Variants in ACVR1 observed in about 807,000 individuals in gnomAD.
ACVR1 encodes the protein activin A receptor type 1.
A neutral mutation model predicts 57.1 loss-of-function variants in ACVR1; 38 were observed. The observed-to-expected ratio is 0.67, with a 90% CI of 0.51 to 0.87. ACVR1 has a LOEUF of 0.87. Among genes scored for constraint, ACVR1 ranks in the 40% least tolerant of loss-of-function variants. The pLI is 0.00. For missense variants in ACVR1, 463 were observed against 638.2 expected (o/e 0.73, Z 2.96); for synonymous variants, 212 against 228.1 (o/e 0.93, Z 0.63).
At chr2:157,746,521 G>A (rs551588166) in intron 9 of ACVR1, among the ~76,000 whole-genome samples, 2 of 152,350 alleles carry the variant, frequency 1.3e-5, no homozygotes, top group South Asian at 2.1e-4. Flanking sequence ...AAGGAAGACA[G>A]AAGCACATCA....
intron 1 of ACVR1, among the ~76,000 whole-genome samples, chr2:157,853,445 A>C (rs1419060450): frequency 6.6e-6 from 1 of 152,152 alleles, no homozygotes; most frequent in Non-Finnish European, 1.5e-5. Flanking sequence ...CCTCACCTAA[A>C]GCTAATTACC....
chr2:157,763,349 C>T (rs1006883395), intron 8 of ACVR1, among the ~76,000 whole-genome samples: 6 of 152,144 alleles, frequency 3.9e-5, no homozygotes, highest in African/African-American at 1.4e-4. Context: ...GCAAACATCA[C>T]AAAGTTTTAA....
intron 3 of ACVR1, among the ~76,000 whole-genome samples, chr2:157,783,954 G>T (rs879717810): frequency 3.9e-5 from 6 of 152,184 alleles, no homozygotes; most frequent in Non-Finnish European, 5.9e-5. Context: ...CATTCGCTAC[G>T]TGCCACCTTG....
chr2:157,804,809 C>T (rs1687458892), intron 2 of ACVR1, among the ~76,000 whole-genome samples: 1 of 151,826 alleles, frequency 6.6e-6, no homozygotes, highest in Non-Finnish European at 1.5e-5. Flanking sequence ...AAAACAGACA[C>T]ATCACCAGGG....
intron 9 of ACVR1, among the ~76,000 whole-genome samples, chr2:157,748,678 G>A (rs1225067770): frequency 1.3e-5 from 2 of 151,232 alleles, no homozygotes. Context: ...TACAATCCAT[G>A]TATGTTTAAT....
chr2:157,786,414 C>T (rs1220675650), intron 3 of ACVR1, among the ~76,000 whole-genome samples: 1 of 152,120 alleles, frequency 6.6e-6, no homozygotes, highest in African/African-American at 2.4e-5. Flanking sequence ...GGAAAGAGAC[C>T]TGATGCTGGT....
intron 3 of ACVR1, among the ~76,000 whole-genome samples, chr2:157,792,747 T>G (rs1202755377): frequency 6.6e-6 from 1 of 152,228 alleles, no homozygotes; most frequent in African/African-American, 2.4e-5. Flanking sequence ...TAGGTGCACA[T>G]TAAACATAGT....
intron 2 of ACVR1, among the ~76,000 whole-genome samples, chr2:157,815,656 C>T (rs577884364): frequency 6.6e-6 from 1 of 152,250 alleles, no homozygotes; most frequent in Non-Finnish European, 1.5e-5. Flanking sequence ...TTCTGTTATT[C>T]ATTACTTCCT....
intron 7 of ACVR1, among the ~76,000 whole-genome samples, chr2:157,768,498 T>C (rs551437537): frequency 1.3e-5 from 2 of 152,272 alleles, no homozygotes; most frequent in South Asian, 4.1e-4. Flanking sequence ...AAATAAATAA[T>C]AAACGAATAC....
intron 1 of ACVR1, among the ~76,000 whole-genome samples, chr2:157,848,485 C>T (rs183150634): frequency 1.1e-3 from 172 of 152,314 alleles, no homozygotes; most frequent in Non-Finnish European, 2.5e-4. Flanking sequence ...ATTCCAGCCC[C>T]CAACCTTCAA....
intron 1 of ACVR1, among the ~76,000 whole-genome samples, chr2:157,839,430 T>G (rs1029431000): frequency 1.3e-5 from 2 of 152,226 alleles, no homozygotes; most frequent in African/African-American, 4.8e-5. Context: ...GCTCCAAGCT[T>G]GAAGCACTGC....
chr2:157,805,721 A>G (rs1243645727), intron 2 of ACVR1, among the ~76,000 whole-genome samples: 1 of 151,400 alleles, frequency 6.6e-6, no homozygotes. Context: ...ACTCTACACA[A>G]CTTTCACTTA....
chr2:157,784,053 A>G (rs1686623915), intron 3 of ACVR1, among the ~76,000 whole-genome samples: 1 of 152,226 alleles, frequency 6.6e-6, no homozygotes. Context: ...GCAAGGTAGT[A>G]ATAGCATTCT....
rs188582741 is a variant in ACVR1, at chr2:157,830,697, T to C, written c.-182-12138A>G. On this transcript the variant is annotated intron_variant, in intron 1 of 10. Coordinates refer to ENST00000434821, the MANE Select transcript of ACVR1 (RefSeq NM_001111067.4). ...AATATTACTGGAAACTAAATTGTTA[T>C]CAATAAAATGTAAGAAGGGAGATGC... 7.9e-4 allele frequency among the ~76,000 whole-genome samples: 115 copies of C among 145,176 alleles called. 1 individual carries two copies. The highest frequency in any genetic ancestry group is 1.3e-3 in the Non-Finnish European group (83 of 66,384).
At chr2:157,771,648 C>A (rs533497710) in intron 6 of ACVR1, among the ~76,000 whole-genome samples, 69 of 152,186 alleles carry the variant, frequency 4.5e-4, no homozygotes, top group Non-Finnish European at 8.5e-4. Context: ...AACACTAAGT[C>A]ACTGAAAACC....
chr2:157,743,034 C>A (rs1684838992), intron 9 of ACVR1, among the ~76,000 whole-genome samples: 1 of 152,208 alleles, frequency 6.6e-6, no homozygotes, highest in Non-Finnish European at 1.5e-5. Flanking sequence ...TTCCCCACCA[C>A]TGTCCTTCAC....
chr2:157,863,079 T>C (rs1368680331), intron 1 of ACVR1, among the ~76,000 whole-genome samples: 1 of 124,300 alleles, frequency 8.0e-6, no homozygotes, highest in African/African-American at 3.1e-5. Context: ...TGGAATGCGG[T>C]GGTGCGATCT....
At chr2:157,795,186 T>C (rs1687060137) in intron 3 of ACVR1, among the ~76,000 whole-genome samples, 1 of 152,144 alleles carries the variant, frequency 6.6e-6, no homozygotes, top group Admixed American at 6.5e-5. Context: ...TGCTCAGCAG[T>C]AGACAAGCTA....
At chr2:157,770,286 CA>C in intron 7 of ACVR1, 81 bp downstream of exon 7, 1 of 1,519,736 alleles carries the variant, frequency 6.6e-7, no homozygotes, top group East Asian at 2.3e-5. Flanking sequence ...CTCGAATTCA[CA>C]TTCACCAAAA....
Sources: gnomAD v4.1 joint callset for allele counts (sites outside exome capture counted in the v4.1 genomes callset) on GRCh38, gnomAD v4.1.1 for gene constraint, MANE v1.5 for transcripts, NCBI Gene and HGNC (gene_info 2026-07-23, HGNC 2026-07-21) for gene names.